NWD2: variants seen among roughly 807,000 people sequenced by gnomAD.
The protein encoded by NWD2 is NACHT and WD repeat domain-containing protein 2.
NWD2 carries 37 observed loss-of-function variants against 132.7 expected under a neutral mutation model. The ratio of observed to expected loss-of-function variants is 0.28; its 90% CI spans 0.21 to 0.37. The LOEUF (loss-of-function observed/expected upper bound fraction) is 0.37, where lower values mean the gene tolerates loss of function less well. NWD2 is among the 10% of genes least tolerant of loss of function. NWD2 has a pLI of 1.00. For missense variants in NWD2, 1,592 were observed against 2,122.4 expected, an observed-to-expected ratio of 0.75 and a Z score of 4.91; for synonymous variants, 705 against 803.0, an observed-to-expected ratio of 0.88 and a Z score of 2.06.
chr4:37,394,792 C>G (rs1290391882), intron 3 of NWD2, among the ~76,000 whole-genome samples: 3 of 58,310 alleles, frequency 5.1e-5, no homozygotes, highest in Non-Finnish European at 1.1e-4. Context: ...TATAGTGAAC[C>G]TTTATGGTTT....
chr4:37,371,910 T>C (rs1720235778), intron 3 of NWD2, among the ~76,000 whole-genome samples: 2 of 152,200 alleles, frequency 1.3e-5, no homozygotes, highest in South Asian at 4.1e-4. Context: ...GCTGTATTCA[T>C]GGTATAAACA....
chr4:37,275,558 C>A (rs958989729), intron 1 of NWD2, among the ~76,000 whole-genome samples: 1 of 152,100 alleles, frequency 6.6e-6, no homozygotes, highest in African/African-American at 2.4e-5. Flanking sequence ...ACTTTCTTCA[C>A]AGAATTGGAA....
chr4:37,299,288 T>G (rs2109275763), intron 1 of NWD2, among the ~76,000 whole-genome samples: 1 of 152,292 alleles, frequency 6.6e-6, no homozygotes, highest in South Asian at 2.1e-4. Context: ...CTTCTCATTT[T>G]CAAGACCATC....
chr4:37,259,023 A>G (rs1717577614), intron 1 of NWD2, among the ~76,000 whole-genome samples: 1 of 152,058 alleles, frequency 6.6e-6, no homozygotes, highest in Admixed American at 6.6e-5. Flanking sequence ...GGGTGTGTAA[A>G]TTTTCTCTCT....
At chr4:37,414,174 G>A (rs376658289) in intron 3 of NWD2, among the ~76,000 whole-genome samples, 19 of 152,032 alleles carry the variant, frequency 1.2e-4, no homozygotes, top group East Asian at 3.9e-4. Flanking sequence ...TAATAGTATC[G>A]TTAGGATTAC....
chr4:37,323,857 C>A (rs116204272), intron 1 of NWD2, among the ~76,000 whole-genome samples: 15 of 146,828 alleles, frequency 1.0e-4, no homozygotes, highest in African/African-American at 7.5e-5. Flanking sequence ...ACTACACAGC[C>A]AAAAAAAAAA....
intron 1 of NWD2, among the ~76,000 whole-genome samples, chr4:37,257,670 G>A (rs945908853): frequency 1.3e-5 from 2 of 151,826 alleles, no homozygotes; most frequent in African/African-American, 4.8e-5. Context: ...GCACAAAATG[G>A]GTCATTATTC....
chr4:37,445,270 G>A lies in NWD2; in HGVS notation c.3282G>A (p.Gln1094=), dbSNP rs1434290758. Residue 1094 remains glutamine (Q), a synonymous_variant, in exon 7 of 7, where the codon CAG becomes CAA. Coordinates refer to ENST00000309447, the MANE Select transcript of NWD2 (RefSeq NM_001144990.2). This position sits in a 1 kb window ranked among gnomAD's most constrained non-coding sequence, Gnocchi z 4.7. ...TGCTGTACGGATGGCCGCTTTACCA[G>A]TTCCACTGCTGGTATGAAGTGACGT... ...IDLLYGWPLY[Q]FHCWYEVTCV... The A allele has an allele frequency of 2.6e-6, 4 of 1,551,804 alleles. No homozygotes were observed. The highest frequency in any genetic ancestry group is 2.6e-6 in the Non-Finnish European group (3 of 1,147,042).
chr4:37,421,872 G>A (rs916013648), intron 3 of NWD2, among the ~76,000 whole-genome samples: 3 of 152,096 alleles, frequency 2.0e-5, no homozygotes, highest in Non-Finnish European at 2.9e-5. Flanking sequence ...CTGGGAACTG[G>A]AAGTTTAAGA....
Position 37,438,788 on chromosome 4 carries a change from T to C in NWD2, c.707-13T>C, listed in dbSNP as rs1412666422. 6.6e-7 allele frequency: 1 copy of C among 1,521,006 alleles called. No individual in the cohort carries two copies. The allele number at this position is 1,521,006 out of a possible 1,614,324, so 94.2% of individuals were successfully genotyped here. A position where few individuals can be genotyped will look rare whatever the true frequency, so the allele number is the denominator to read the frequency against. On this transcript the variant is annotated splice_polypyrimidine_tract_variant and intron_variant, in intron 5 of 6. Coordinates refer to ENST00000309447, the MANE Select transcript of NWD2 (RefSeq NM_001144990.2). ...GTTCTAAGCAATAAACTCCTTCTTA[T>C]ATTTTCTTTCAGCTATAGAGGATGA...
At chr4:37,434,664 T>C (rs909033382) in intron 5 of NWD2, among the ~76,000 whole-genome samples, 5 of 152,012 alleles carry the variant, frequency 3.3e-5, no homozygotes, top group Admixed American at 1.3e-4. Context: ...GACAGTGCCA[T>C]ATGCATCTAA....
chr4:37,321,124 T>C (rs1198599013), intron 1 of NWD2, among the ~76,000 whole-genome samples: 1 of 152,100 alleles, frequency 6.6e-6, no homozygotes, highest in Non-Finnish European at 1.5e-5. Flanking sequence ...GCCACTGCAC[T>C]TTCAGCCTGG....
intron 3 of NWD2, among the ~76,000 whole-genome samples, chr4:37,419,613 C>T (rs1560250947): frequency 1.3e-5 from 2 of 152,042 alleles, no homozygotes; most frequent in South Asian, 2.1e-4. Context: ...TCTCAATAGT[C>T]TACTAATTTT....
intron 3 of NWD2, among the ~76,000 whole-genome samples, chr4:37,419,877 G>A (rs1711753758): frequency 6.6e-6 from 1 of 152,112 alleles, no homozygotes; most frequent in African/African-American, 2.4e-5. Flanking sequence ...GAACTTCTTT[G>A]CACACAAATC....
At chr4:37,329,628 A>G (rs1719249422) in intron 2 of NWD2, among the ~76,000 whole-genome samples, 1 of 152,126 alleles carries the variant, frequency 6.6e-6, no homozygotes, top group South Asian at 2.1e-4. Context: ...AAAAAAAATT[A>G]GAACAGTAAA....
intron 1 of NWD2, among the ~76,000 whole-genome samples, chr4:37,315,481 G>C (rs1718937728): frequency 6.6e-6 from 1 of 151,770 alleles, no homozygotes; most frequent in Admixed American, 6.6e-5. Context: ...AATTGTTATA[G>C]TTTTTTTTCC....
intron 2 of NWD2, among the ~76,000 whole-genome samples, chr4:37,355,921 G>A (rs1719862927): frequency 6.6e-6 from 1 of 151,832 alleles, no homozygotes; most frequent in South Asian, 2.1e-4. Flanking sequence ...TTTAAGAAAT[G>A]TAGGTGTTTG....
At chr4:37,388,671 A>AAT (rs1452748153) in intron 3 of NWD2, among the ~76,000 whole-genome samples, 3 of 147,492 alleles carry the variant, frequency 2.0e-5, no homozygotes, top group Non-Finnish European at 4.5e-5. Flanking sequence ...ATCATATATA[A>AAT]ATATATATCG....
intron 1 of NWD2, among the ~76,000 whole-genome samples, chr4:37,275,193 C>T (rs1385579050): frequency 6.6e-6 from 1 of 152,144 alleles, no homozygotes; most frequent in African/African-American, 2.4e-5. Flanking sequence ...ATCGTCTTAG[C>T]CCAAAATCTC....
Sources: gnomAD v4.1 joint callset for allele counts (sites outside exome capture counted in the v4.1 genomes callset) on GRCh38, gnomAD v4.1.1 for gene constraint, Gnocchi (gnomAD v3.1) non-coding constraint, MANE v1.5 for transcripts, NCBI Gene and HGNC (gene_info 2026-07-23, HGNC 2026-07-21) for gene names.